The following DNAH10 variants were observed in gnomAD, a reference collection of about 807,000 sequenced individuals.
DNAH10 encodes dynein axonemal heavy chain 10, also known as axonemal beta dynein heavy chain 10.
DNAH10 carries 348 observed loss-of-function variants against 506.6 expected under a neutral mutation model. That is an observed-to-expected ratio of 0.69 (90% CI 0.63 to 0.75). The LOEUF (loss-of-function observed/expected upper bound fraction) is 0.75. DNAH10 is among the 30% of genes least tolerant of loss of function. The pLI, the probability that DNAH10 is intolerant of heterozygous loss-of-function variation, is 0.00. For missense variants in DNAH10, 5,179 were observed against 5,787.1 expected, an observed-to-expected ratio of 0.89 and a Z score of 3.41; for synonymous variants, 2,059 against 2,198.6, an observed-to-expected ratio of 0.94 and a Z score of 1.78.
chr12:123,922,741 T>C (rs920873772), intron 65 of DNAH10, among the ~76,000 whole-genome samples: 1 of 152,186 alleles, frequency 6.6e-6, no homozygotes, highest in Non-Finnish European at 1.5e-5. Flanking sequence ...CACAAGGTCT[T>C]TCTTCTCTGC....
intron 39 of DNAH10, among the ~76,000 whole-genome samples, chr12:123,861,432 A>C (rs1256372121): frequency 6.6e-6 from 1 of 152,244 alleles, no homozygotes; most frequent in Admixed American, 6.5e-5. Flanking sequence ...GGCCTAGAAA[A>C]GGTCAGAAAT....
Position 123,808,787 on chromosome 12 carries a change from C to A in DNAH10, c.2988-10C>A. 4 of 1,613,866 alleles carry A rather than the reference C, an allele frequency of 2.5e-6. No individual in the cohort carries two copies. Among genetic ancestry groups the A allele is most frequent in the African/African-American group, 1.3e-5 (1 of 75,030 alleles). ...ATACACTCTGAGTCTTTCTCATCAA[C>A]CCCTCTTAGGAACTTGCAGTCTTTT... is the stretch of plus-strand genomic sequence containing the variant. On this transcript the variant is annotated splice_polypyrimidine_tract_variant and intron_variant, in intron 18 of 78. Transcript: ENST00000673944.
At chr12:123,876,047 A>G (rs1315952120) in intron 47 of DNAH10, among the ~76,000 whole-genome samples, 1 of 152,198 alleles carries the variant, frequency 6.6e-6, no homozygotes, top group Non-Finnish European at 1.5e-5. Context: ...GCTCCTCCAA[A>G]TGGAACCCAT....
intron 53 of DNAH10, 31 bp downstream of exon 53, chr12:123,893,467 C>T (rs554532652): frequency 6.2e-7 from 1 of 1,610,884 alleles, no homozygotes; most frequent in South Asian, 1.1e-5. Flanking sequence ...GAACCCATTT[C>T]CCCTGCTTTG....
intron 18 of DNAH10, 85 bp from the exon 19 acceptor site, chr12:123,808,711 TG>T: frequency 6.9e-7 from 1 of 1,449,756 alleles, no homozygotes. Context: ...CTGTGATTTT[TG>T]TGGCCCTGGT....
At chr12:123,788,981 G>C (rs1957974274) in intron 10 of DNAH10, among the ~76,000 whole-genome samples, 1 of 151,996 alleles carries the variant, frequency 6.6e-6, no homozygotes, top group African/African-American at 2.4e-5. Context: ...TAGATGCGGT[G>C]GCTCACGCCT....
Position 123,926,740 on chromosome 12 carries a change from G to C in DNAH10, c.12025G>C (p.Asp4009His). 2 of 1,613,996 alleles carry C rather than the reference G, an allele frequency of 1.2e-6. No individual in the cohort carries two copies. The highest frequency in any genetic ancestry group is 2.2e-5 in the South Asian group (2 of 91,086). Residue 4009 changes from aspartate (D) to histidine (H), a missense_variant, in exon 69 of 79, where the codon GAT becomes CAT. Around this residue, in one of 3 missense-constraint regions of DNAH10, gnomAD observed 4,844 missense variants for 5,430.5 expected, o/e 0.89. Transcript: ENST00000673944. The surrounding 1 kb of genome is among the most constrained non-coding windows in gnomAD (Gnocchi z 4.1). ...GAGTCCTGGCTCCGACCCTGCCACT[G>C]ATCTTATGAAATTAGCAGAGCGAAG... ...ILSPGSDPAT[D>H]LMKLAERSGF... is the part of the protein sequence containing the mutation.
Position 123,796,851 on chromosome 12 carries a change from A to T in DNAH10, c.2163+19A>T. 2 of 1,568,570 alleles carry T rather than the reference A, an allele frequency of 1.3e-6. No homozygotes were observed. Among genetic ancestry groups the T allele is most frequent in the Non-Finnish European group, 1.7e-6 (2 of 1,161,016 alleles). On this transcript the variant is annotated intron_variant, in intron 13 of 78. Coordinates refer to ENST00000673944, the MANE Select transcript of DNAH10 (RefSeq NM_001372106.1). ...ACAGGAGGTATGTTGCTCTTGCTAG[A>T]ATTGGCTCCTTTTGTATTTGATTTT...
intron 11 of DNAH10, among the ~76,000 whole-genome samples, chr12:123,790,733 A>G (rs1281501205): frequency 1.3e-5 from 2 of 152,174 alleles, no homozygotes; most frequent in East Asian, 1.9e-4. Flanking sequence ...GGTTGGGTAA[A>G]TAATTGGTGA....
rs527990330 is a variant in DNAH10, at chr12:123,891,616, G to A, written c.8996-1617G>A. Reference sequence around the variant, plus strand: ...AGACTGAGAGGGCAGGCAGAGCCCCGGGAGGAAGAGACTGAGAGGGCAGGC... The same window carrying A: ...AGACTGAGAGGGCAGGCAGAGCCCCAGGAGGAAGAGACTGAGAGGGCAGGC... On this transcript the variant is annotated intron_variant, in intron 52 of 78. Transcript: ENST00000673944. Among the ~76,000 whole-genome samples the A allele has an allele frequency of 1.7e-4, 26 of 152,050 alleles. No homozygotes were observed. The East Asian group carries it at 4.1e-3, about 24-fold the overall frequency.
At chr12:123,816,177 C>A (rs1261543863) in intron 21 of DNAH10, among the ~76,000 whole-genome samples, 1 of 152,200 alleles carries the variant, frequency 6.6e-6, no homozygotes, top group African/African-American at 2.4e-5. Context: ...CCTCTCAAAT[C>A]CTTGGACTCT....
At chr12:123,847,924 A>T in intron 32 of DNAH10, 37 bp from the exon 33 acceptor site, 1 of 1,572,016 alleles carries the variant, frequency 6.4e-7, no homozygotes. Flanking sequence ...CCTTCTGTGC[A>T]CCAGAAAACA....
Position 123,783,263 on chromosome 12 carries a change from A to T in DNAH10, c.998A>T (p.Gln333Leu). The change falls in exon 7 of 79, where the codon CAG becomes CTG. Residue 333 changes from glutamine (Q) to leucine (L), a missense_variant and splice_region_variant. Physicochemically the swap from Gln to Leu is moderately radical, Grantham distance 113 (BLOSUM62 -2). Transcript: ENST00000673944. ...GAGGCCCAACTGAAGAAGACACCTC[A>T]GGTAGTTTGTGCAGGGCTTTCAGAG... ...AVEAQLKKTP[Q>L]GKGPLAEIEF... 1 of 1,613,800 alleles carries T rather than the reference A, an allele frequency of 6.2e-7. No individual in the cohort carries two copies. Among genetic ancestry groups the T allele is most frequent in the Non-Finnish European group, 8.5e-7 (1 of 1,179,994 alleles).
chr12:123,837,196 TAGCC>T (rs1961245747), intron 28 of DNAH10, among the ~76,000 whole-genome samples: 1 of 148,192 alleles, frequency 6.7e-6, no homozygotes, highest in Admixed American at 6.7e-5. Context: ...AAAAAAAAAT[TAGCC>T]AGGCATGGTG....
chr12:123,935,274 C>G, intron 78 of DNAH10, 61 bp from the exon 79 acceptor site: 1 of 1,573,840 alleles, frequency 6.4e-7, no homozygotes, highest in Non-Finnish European at 8.7e-7. Flanking sequence ...CACTGCACCT[C>G]TGCCTTTATC....
At chr12:123,923,617 T>C in intron 65 of DNAH10, 146 bp from the exon 66 acceptor site, 2 of 575,502 alleles carry the variant, frequency 3.5e-6, no homozygotes, top group Non-Finnish European at 6.0e-6. Flanking sequence ...TAGATATTCA[T>C]GGACATTAGG....
intron 36 of DNAH10, among the ~76,000 whole-genome samples, chr12:123,855,311 T>C (rs1392540677): frequency 2.6e-5 from 4 of 152,118 alleles, no homozygotes; most frequent in Non-Finnish European, 4.4e-5. Context: ...CAGAATTTTG[T>C]TTTTGAGATT....
chr12:123,879,138 G>A (rs78591679), intron 48 of DNAH10, 126 bp from the exon 49 acceptor site: 10,882 of 714,476 alleles, frequency 0.015, 264 homozygotes, highest in African/African-American at 0.072. Flanking sequence ...GACTAGGGGG[G>A]CACGACTGGA....
chr12:123,773,407 A>C (rs80171173), intron 4 of DNAH10, among the ~76,000 whole-genome samples: 2,029 of 152,334 alleles, frequency 0.013, 40 homozygotes, highest in African/African-American at 0.046. Context: ...CATGACTCAA[A>C]ATATGCTTTG....
Sources: allele counts gnomAD v4.1 joint callset (sites outside exome capture counted in the v4.1 genomes callset), GRCh38; gene constraint gnomAD v4.1.1; regional missense constraint gnomAD v4.1.1; non-coding constraint Gnocchi (gnomAD v3.1); transcripts MANE v1.5; gene names NCBI Gene and HGNC (gene_info 2026-07-23, HGNC 2026-07-21).